Variants in MTRR observed in about 807,000 individuals in gnomAD.
The protein encoded by MTRR is methionine synthase reductase.
Under a neutral mutation model 79.2 loss-of-function variants are expected in MTRR, and 63 were observed. The observed-to-expected ratio is 0.80, with a 90% CI of 0.65 to 0.98. The LOEUF is 0.98. MTRR is among the 50% of genes least tolerant of loss of function. MTRR has a pLI of 0.00. For missense variants in MTRR, 895 were observed against 839.6 expected (o/e 1.07, Z -0.82); for synonymous variants, 355 against 313.3 (o/e 1.13, Z -1.41).
At chr5:7,877,467 T>C (rs1178074592) in intron 4 of MTRR, among the ~76,000 whole-genome samples, 1 of 132,558 alleles carries the variant, frequency 7.5e-6, no homozygotes, top group Non-Finnish European at 1.5e-5. Context: ...TTTTAATCTG[T>C]AGGAAACAGA....
intron 14 of MTRR, 104 bp downstream of exon 14, chr5:7,897,351 G>A: frequency 8.6e-7 from 1 of 1,156,834 alleles, no homozygotes; most frequent in Non-Finnish European, 1.3e-6. Context: ...GTAGGGATAA[G>A]ACATTTGATT....
intron 5 of MTRR, among the ~76,000 whole-genome samples, chr5:7,880,956 A>G (rs1735480795): frequency 6.6e-6 from 1 of 152,162 alleles, no homozygotes; most frequent in African/African-American, 2.4e-5. Flanking sequence ...TGGGAGAAGG[A>G]CTGCAGAAGC....
At chr5:7,869,408 C>T in intron 1 of MTRR, 193 bp downstream of exon 1, 1 of 621,032 alleles carries the variant, frequency 1.6e-6, no homozygotes, top group Non-Finnish European at 2.8e-6. Context: ...TTTGGTGTCC[C>T]CGGGAGCGTG....
At position 7,855,068 on chromosome 5, in the gene MTRR, C is replaced by T. The variant is rs535862682; in HGVS notation, n.391+3483C>T. Among the ~76,000 whole-genome samples, 4 of 152,262 alleles carry T rather than the reference C, an allele frequency of 2.6e-5. No individual in the cohort carries two copies. The East Asian group carries it at 7.7e-4, about 29-fold the overall frequency. On this transcript the variant is annotated intron_variant and non_coding_transcript_variant, in intron 1 of 3. Transcript: ENST00000502509. ...CAACAGTGTGGGACATTCTACAGGG[C>T]AATTGATCTAATTTCTCCAATAACT...
chr5:7,879,479 A>T (rs1229850727), intron 5 of MTRR, among the ~76,000 whole-genome samples: 2 of 151,690 alleles, frequency 1.3e-5, no homozygotes, highest in African/African-American at 4.9e-5. Flanking sequence ...AAAAAAAAAA[A>T]AAAAAAGTTT....
At chr5:7,867,274 C>T (rs374174551), upstream of MTRR, 57 of 1,613,756 alleles carry the variant, frequency 3.5e-5, no homozygotes, top group East Asian at 4.2e-4. Context: ...GGTGTTCATC[C>T]ACTTTTTCAG....
chr5:7,875,386 TG>T lies in MTRR; in HGVS notation c.401+12del. The T allele has an allele frequency of 6.3e-7, 1 of 1,583,266 alleles. No individual in the cohort carries two copies. The highest frequency in any genetic ancestry group is 8.7e-7 in the Non-Finnish European group (1 of 1,151,822). ...AGATGACTGTGTAGGGTAAGGGCAG[TG>T]TTCTCTGTTTACTCCAATAAGCCCT... is the stretch of plus-strand genomic sequence containing the variant. On this transcript the variant is annotated intron_variant, in intron 4 of 14. Transcript: ENST00000440940.
intron 9 of MTRR, among the ~76,000 whole-genome samples, chr5:7,891,081 T>G (rs1166508314): frequency 6.6e-6 from 1 of 152,054 alleles, no homozygotes; most frequent in Non-Finnish European, 1.5e-5. Context: ...TGAAGCCAAC[T>G]TATGGACCCA....
Position 7,900,179 on chromosome 5 carries a change from C to A in MTRR, c.*121C>A. On this transcript the variant is annotated 3_prime_UTR_variant, in exon 15 of 15. Transcript: ENST00000440940. ...TTTTCTTTCAACATTTCTTGAAGGA[C>A]ATGGAGTGGAGATTGGATCATTTAA... is the stretch of plus-strand genomic sequence containing the variant. 8.8e-7 allele frequency: 1 copy of A among 1,130,308 alleles called. No homozygotes were observed. Among genetic ancestry groups the A allele is most frequent in the Non-Finnish European group, 1.3e-6 (1 of 785,912 alleles). 70.0% of individuals were successfully genotyped at this position (1,130,308 alleles called of 1,614,324 possible).
In MTRR at chr5:7,875,363, A is replaced by G. The variant is rs768175244; in HGVS notation, c.389A>G (p.Asp130Gly). 5 of 1,610,050 alleles carry G rather than the reference A, an allele frequency of 3.1e-6. No homozygotes were observed. In the Admixed American group the frequency reaches 8.3e-5, roughly 27 times the overall value. Residue 130 changes from aspartate to glycine, a missense_variant, in exon 4 of 15, where the codon GAT becomes GGT. Physicochemically the swap from Asp to Gly is moderately conservative, Grantham distance 94. Transcript: ENST00000440940. ...ARHFYDTGHADDCVGLELVVE... is the reference protein window; with the variant it reads ...ARHFYDTGHAGDCVGLELVVE... ...CATTTCTATGACACTGGACATGCAG[A>G]TGACTGTGTAGGGTAAGGGCAGTGT... is the stretch of plus-strand genomic sequence containing the variant.
At chr5:7,882,680 A>G (rs192004463) in intron 5 of MTRR, among the ~76,000 whole-genome samples, 1 of 152,330 alleles carries the variant, frequency 6.6e-6, no homozygotes, top group Admixed American at 6.5e-5. Flanking sequence ...GTTAAGATTA[A>G]TAATTAGTTT....
intron 1 of MTRR, chr5:7,870,491 G>A (rs142477310): frequency 2.4e-6 from 1 of 409,862 alleles, no homozygotes; most frequent in East Asian, 5.5e-5. Flanking sequence ...TTGTCTACAG[G>A]GTTGCACTTA....
intron 1 of MTRR, among the ~76,000 whole-genome samples, chr5:7,854,701 C>G (rs766768299): frequency 9.9e-5 from 15 of 152,186 alleles, no homozygotes; most frequent in Non-Finnish European, 1.8e-4. Context: ...GTCTCTCCCA[C>G]AACACATGAG....
rs765340295 is a variant in MTRR, at chr5:7,892,715, G to A, written c.1371-12G>A. 6.2e-7 allele frequency: 1 copy of A among 1,614,136 alleles called. No individual in the cohort carries two copies. The highest frequency in any genetic ancestry group is 2.2e-5 in the East Asian group (1 of 44,882). On this transcript the variant is annotated splice_polypyrimidine_tract_variant and intron_variant, in intron 10 of 14. Transcript: ENST00000440940. The stretch of plus-strand genomic sequence containing the variant: ...GATATCGAGTTCAAAACTTGTCTGT[G>A]TATCTTTGCAGCTCAAGTTTATTTC...
intron 1 of MTRR, among the ~76,000 whole-genome samples, chr5:7,860,628 G>A (rs1307687888): frequency 6.6e-6 from 1 of 152,150 alleles, no homozygotes; most frequent in African/African-American, 2.4e-5. Context: ...ACGTAAGATC[G>A]GTGGTCCACT....
intron 2 of MTRR, chr5:7,862,853 T>C (rs761430314): frequency 3.3e-5 from 53 of 1,613,724 alleles, no homozygotes; most frequent in Non-Finnish European, 4.3e-5. Flanking sequence ...GTCAACACTT[T>C]TGGAGCAAAA....
chr5:7,893,808 T>A (rs1738047515), intron 11 of MTRR, among the ~76,000 whole-genome samples: 1 of 152,190 alleles, frequency 6.6e-6, no homozygotes, highest in Non-Finnish European at 1.5e-5. Flanking sequence ...GGATAAGGGA[T>A]GATTGCTGCT....
chr5:7,883,141 A>G lies in MTRR; in HGVS notation c.781-14A>G, dbSNP rs112996747. 1.9e-4 allele frequency: 310 copies of G among 1,614,080 alleles called. No homozygotes were observed. The African/African-American group carries it at 3.6e-3, about 19-fold the overall frequency. Reference sequence around the variant, plus strand: ...GAAAATTGCACTTACGTTTTGTCACATTTGTTTTTCAAGGAGGAAAGCCAA... The same window carrying G: ...GAAAATTGCACTTACGTTTTGTCACGTTTGTTTTTCAAGGAGGAAAGCCAA... On this transcript the variant is annotated splice_polypyrimidine_tract_variant and intron_variant, in intron 5 of 14. Coordinates refer to ENST00000440940, the MANE Select transcript of MTRR (RefSeq NM_002454.3).
At chr5:7,859,766 T>C (rs1484325654) in intron 1 of MTRR, among the ~76,000 whole-genome samples, 1 of 152,220 alleles carries the variant, frequency 6.6e-6, no homozygotes, top group Non-Finnish European at 1.5e-5. Context: ...ATGTAGAATA[T>C]GCAAATAAGA....
Sources: allele counts gnomAD v4.1 joint callset (sites outside exome capture counted in the v4.1 genomes callset), GRCh38; gene constraint gnomAD v4.1.1; transcripts MANE v1.5; gene names NCBI Gene and HGNC (gene_info 2026-07-23, HGNC 2026-07-21).